Variants in BBOF1 observed in about 807,000 individuals in gnomAD.
The protein encoded by BBOF1 is basal body-orientation factor 1.
Under a neutral mutation model 68.0 loss-of-function variants are expected in BBOF1, and 62 were observed. The ratio of observed to expected loss-of-function variants is 0.91; its 90% confidence interval spans 0.74 to 1.13. The LOEUF is 1.13. BBOF1 is among the 50% of genes most tolerant of loss of function. The pLI, the probability that BBOF1 is intolerant of heterozygous loss-of-function variation, is 0.00. For missense variants in BBOF1, 534 were observed against 600.1 expected (o/e 0.89, Z 1.15); for synonymous variants, 208 against 198.8 (o/e 1.05, Z -0.39).
At chr14:74,064,273 G>A (rs1333536348) in intron 11 of BBOF1, among the ~76,000 whole-genome samples, 2 of 149,786 alleles carry the variant, frequency 1.3e-5, no homozygotes, top group Non-Finnish European at 3.0e-5. Context: ...ACTCCAGCCT[G>A]GGCAACAGAG....
intron 1 of BBOF1, among the ~76,000 whole-genome samples, chr14:74,020,660 C>T (rs6574156): frequency 0.14 from 20,801 of 152,104 alleles, 2,003 homozygotes; most frequent in East Asian, 0.57. Flanking sequence ...CCCGTCACCA[C>T]GCCCAGCTAA....
rs111508764 is a variant in BBOF1, at chr14:74,061,935, A to G, written c.1579-2753A>G. On this transcript the variant is annotated intron_variant, in intron 11 of 11. Transcript: ENST00000394009. ...AATTAAACTGGGGGGTGCAGCCAGG[A>G]GCGGTGGCTCACACTTGTAATATCA... Among the ~76,000 whole-genome samples, 298 of 151,244 alleles carry G rather than the reference A, an allele frequency of 2.0e-3. 2 individuals are homozygous for G. Among genetic ancestry groups the G allele is most frequent in the African/African-American group, 6.9e-3 (285 of 41,286 alleles).
At chr14:74,074,142 G>A (rs926945996) in intron 9 of BBOF1, among the ~76,000 whole-genome samples, 9 of 151,362 alleles carry the variant, frequency 5.9e-5, no homozygotes, top group Admixed American at 5.9e-4. Context: ...GCACCACCAC[G>A]CCTGGCTAAT....
At position 74,057,136 on chromosome 14, in the gene BBOF1, T is replaced by C; in HGVS notation, c.1464-8T>C. The C allele has an allele frequency of 6.2e-7, 1 of 1,609,438 alleles. No homozygotes were observed. The highest frequency in any genetic ancestry group is 1.1e-5 in the South Asian group (1 of 90,790). On this transcript the variant is annotated splice_region_variant and splice_polypyrimidine_tract_variant and intron_variant, in intron 10 of 11. Coordinates refer to ENST00000394009, the MANE Select transcript of BBOF1 (RefSeq NM_025057.3). The stretch of plus-strand genomic sequence containing the variant: ...GTTGACGGTTCTGTTATTTTGTCAT[T>C]ATTGCAGGGATGAAAGTAAGCTTCA...
intron 4 of BBOF1, among the ~76,000 whole-genome samples, chr14:74,034,411 A>G (rs760754912): frequency 2.6e-5 from 4 of 152,174 alleles, no homozygotes; most frequent in Admixed American, 6.5e-5. Flanking sequence ...ACATCCTCCT[A>G]TGTTTATCAG....
At chr14:74,032,794 A>G (rs922009815) in intron 3 of BBOF1, among the ~76,000 whole-genome samples, 3 of 151,806 alleles carry the variant, frequency 2.0e-5, no homozygotes, top group African/African-American at 7.3e-5. Flanking sequence ...GTCTGGCCCA[A>G]TTTACATTTC....
intron 5 of BBOF1, among the ~76,000 whole-genome samples, chr14:74,041,972 G>C (rs946631931): frequency 6.6e-6 from 1 of 152,120 alleles, no homozygotes; most frequent in Non-Finnish European, 1.5e-5. Flanking sequence ...AGGAGGCAGT[G>C]GTTGCAGTGA....
At position 74,057,141 on chromosome 14, in the gene BBOF1, C is replaced by T. The variant is rs369241982; in HGVS notation, c.1464-3C>T. 97 of 1,609,332 alleles carry T rather than the reference C, an allele frequency of 6.0e-5. No individual in the cohort carries two copies. Among genetic ancestry groups the T allele is most frequent in the Non-Finnish European group, 7.6e-5 (90 of 1,176,968 alleles). ...CGGTTCTGTTATTTTGTCATTATTG[C>T]AGGGATGAAAGTAAGCTTCAAGATA... is the stretch of plus-strand genomic sequence containing the variant. On this transcript the variant is annotated splice_region_variant and splice_polypyrimidine_tract_variant and intron_variant, in intron 10 of 11. Transcript: ENST00000394009.
intron 1 of BBOF1, among the ~76,000 whole-genome samples, chr14:74,021,156 C>T (rs909769089): frequency 6.6e-6 from 1 of 152,028 alleles, no homozygotes; most frequent in African/African-American, 2.4e-5. Context: ...ATCATGGTAC[C>T]TACCATATAT....
chr14:74,057,414 A>T, intron 11 of BBOF1, 156 bp downstream of exon 11: 3 of 1,526,042 alleles, frequency 2.0e-6, no homozygotes, highest in Non-Finnish European at 2.6e-6. Context: ...ATAAATTTTT[A>T]AAGCAATATC....
chr14:74,053,861 G>A (rs1049164805), intron 8 of BBOF1, among the ~76,000 whole-genome samples: 1 of 151,658 alleles, frequency 6.6e-6, no homozygotes, highest in Non-Finnish European at 1.5e-5. Flanking sequence ...ACAGGTGCAT[G>A]CCACCACGTC....
At chr14:74,050,217 T>G (rs1300911537) in intron 8 of BBOF1, 22 bp downstream of exon 8, 7 of 1,509,510 alleles carry the variant, frequency 4.6e-6, no homozygotes. Flanking sequence ...ACTTTATTAT[T>G]ATCTTTTTGC....
At chr14:74,040,424 A>G in intron 4 of BBOF1, 141 bp from the exon 5 acceptor site, 1 of 589,984 alleles carries the variant, frequency 1.7e-6, no homozygotes, top group African/African-American at 1.9e-5. Flanking sequence ...GGAGGCAGGA[A>G]CACAGATTTT....
At chr14:74,030,080 T>C (rs947258136) in intron 3 of BBOF1, among the ~76,000 whole-genome samples, 3 of 152,208 alleles carry the variant, frequency 2.0e-5, no homozygotes, top group Non-Finnish European at 4.4e-5. Context: ...TTAGGATATA[T>C]ACCAGTAAGG....
downstream of BBOF1, chr14:74,066,583 C>T: frequency 9.7e-7 from 1 of 1,032,890 alleles, no homozygotes; most frequent in Middle Eastern, 3.0e-4. Context: ...AATAATTGAT[C>T]AATCCTGGCA....
chr14:74,077,574 C>T (rs948981427), intron 9 of BBOF1, among the ~76,000 whole-genome samples: 4 of 152,044 alleles, frequency 2.6e-5, no homozygotes, highest in African/African-American at 7.2e-5. Flanking sequence ...GGCTTTATAG[C>T]CCACTCACAC....
Position 74,047,899 on chromosome 14 carries a change from C to A in BBOF1, c.648-31C>A, listed in dbSNP as rs527329806. On this transcript the variant is annotated intron_variant, in intron 6 of 11. Coordinates refer to ENST00000394009, the MANE Select transcript of BBOF1 (RefSeq NM_025057.3). ...ATTTTGGCGATATCTAAAAGTTAGACCTGTGTTTTGAGATCTTATATCTAT... is the reference window on the plus strand; with the variant it reads ...ATTTTGGCGATATCTAAAAGTTAGAACTGTGTTTTGAGATCTTATATCTAT... 2.8e-5 allele frequency: 44 copies of A among 1,563,954 alleles called. No homozygotes were observed. The South Asian group carries it at 4.6e-4, about 16-fold the overall frequency.
intron 1 of BBOF1, among the ~76,000 whole-genome samples, chr14:74,022,210 T>TA (rs553823979): frequency 8.8e-4 from 131 of 148,534 alleles, no homozygotes; most frequent in Middle Eastern, 3.4e-3. Flanking sequence ...CCATCTCTAT[T>TA]AAAAAAAAAA....
chr14:74,072,616 A>G, intron 9 of BBOF1: 2 of 1,611,882 alleles, frequency 1.2e-6, no homozygotes, highest in Non-Finnish European at 1.7e-6. Context: ...AGTTGGCTGA[A>G]AAAAACAAAC....
Sources: allele counts gnomAD v4.1 joint callset (sites outside exome capture counted in the v4.1 genomes callset), GRCh38; gene constraint gnomAD v4.1.1; transcripts MANE v1.5; gene names NCBI Gene and HGNC (gene_info 2026-07-23, HGNC 2026-07-21).